The following CHERP variants were observed in gnomAD, a reference collection of about 807,000 sequenced individuals.
The protein encoded by CHERP is calcium homeostasis endoplasmic reticulum protein.
In CHERP, 8 loss-of-function variants were observed where a neutral mutation model predicts 113.8. The observed-to-expected ratio is 0.07, with a 90% confidence interval of 0.04 to 0.13. The LOEUF (loss-of-function observed/expected upper bound fraction) is 0.13. Among genes scored for constraint, CHERP ranks in the 10% least tolerant of loss-of-function variants. CHERP has a pLI of 1.00. For missense variants in CHERP, 884 were observed against 1,298.2 expected, an observed-to-expected ratio of 0.68 and a Z score of 4.90; for synonymous variants, 559 against 524.5, an observed-to-expected ratio of 1.07 and a Z score of -0.90.
In CHERP at chr19:16,542,335, C is replaced by A; in HGVS notation, c.25+19G>T. 2 of 1,413,396 alleles carry A rather than the reference C, an allele frequency of 1.4e-6. No homozygotes were observed. The highest frequency in any genetic ancestry group is 3.0e-5 in the Admixed American group (1 of 33,440). 87.6% of individuals were successfully genotyped at this position (1,413,396 alleles called of 1,614,324 possible). On this transcript the variant is annotated intron_variant, in intron 1 of 16. Transcript: ENST00000546361. ...TTCCGGGGAGAGAGAAACGGTCTCT[C>A]GGCCGGTTTGGGTCTCACCATCGGG...
Position 16,519,899 on chromosome 19 carries a change from G to A in CHERP, c.2463-184C>T. 1 of 670,916 alleles carries A rather than the reference G, an allele frequency of 1.5e-6. No individual in the cohort carries two copies. The highest frequency in any genetic ancestry group is 1.8e-5 in the South Asian group (1 of 57,128). 41.6% of individuals were successfully genotyped at this position (670,916 alleles called of 1,614,324 possible). ...CTAGATAAGGGGGCTCCAGACGCTGGCCCCCACCCCACGCTCAGCATTGAG... is the reference window on the plus strand; with the variant it reads ...CTAGATAAGGGGGCTCCAGACGCTGACCCCCACCCCACGCTCAGCATTGAG... On this transcript the variant is annotated intron_variant, in intron 15 of 16. Coordinates refer to ENST00000546361, the MANE Select transcript of CHERP (RefSeq NM_006387.6). This position sits in a 1 kb window ranked among gnomAD's most constrained non-coding sequence, Gnocchi z 6.0.
intron 2 of CHERP, among the ~76,000 whole-genome samples, chr19:16,536,872 C>T (rs533550730): frequency 3.9e-5 from 6 of 152,170 alleles, no homozygotes; most frequent in Middle Eastern, 6.8e-3. Context: ...ATTAGTCGGG[C>T]GTGGTGGCGG....
intron 2 of CHERP, among the ~76,000 whole-genome samples, chr19:16,536,147 C>A (rs549077340): frequency 6.6e-6 from 1 of 152,188 alleles, no homozygotes; most frequent in Non-Finnish European, 1.5e-5. Context: ...GCGCACACTG[C>A]GGCCTCCCCC....
In CHERP at chr19:16,518,571, T is replaced by A. The variant is rs189359327; in HGVS notation, c.*588A>T. Reference sequence around the variant, plus strand: ...AGGTCAGTATTCTTCTTTCTAGACCTAAACCAAGGAGAGTAAAAATGAAAA... The same window carrying A: ...AGGTCAGTATTCTTCTTTCTAGACCAAAACCAAGGAGAGTAAAAATGAAAA... On this transcript the variant is annotated 3_prime_UTR_variant, in exon 17 of 17. Transcript: ENST00000546361. 9.1e-5 allele frequency: 14 copies of A among 153,138 alleles called. No homozygotes were observed. The highest frequency in any genetic ancestry group is 3.4e-4 in the African/African-American group (14 of 41,600). 9.5% of individuals were successfully genotyped at this position (153,138 alleles called of 1,614,324 possible).
chr19:16,540,284 C>T (rs1302560138), intron 2 of CHERP, among the ~76,000 whole-genome samples: 3 of 151,842 alleles, frequency 2.0e-5, no homozygotes, highest in Admixed American at 6.6e-5. Flanking sequence ...CCAGGCTGGT[C>T]TCGAACTCCT....
In CHERP at chr19:16,519,133, A is replaced by T. The variant is rs749596423; in HGVS notation, c.*26T>A. ...GGTCCCACAGCCGGCACCGCTGGCCACCGGCGCGGCTCCCGGCATGGGCGC... is the reference window on the plus strand; with the variant it reads ...GGTCCCACAGCCGGCACCGCTGGCCTCCGGCGCGGCTCCCGGCATGGGCGC... On this transcript the variant is annotated 3_prime_UTR_variant, in exon 17 of 17. Coordinates refer to ENST00000546361, the MANE Select transcript of CHERP (RefSeq NM_006387.6). This position sits in a 1 kb window ranked among gnomAD's most constrained non-coding sequence, Gnocchi z 6.0. The T allele has an allele frequency of 1.2e-6, 2 of 1,600,346 alleles. No individual in the cohort carries two copies. Among genetic ancestry groups the T allele is most frequent in the South Asian group, 2.2e-5 (2 of 89,648 alleles).
At chr19:16,521,397 G>C in intron 12 of CHERP, 124 bp downstream of exon 12, 4 of 814,742 alleles carry the variant, frequency 4.9e-6, no homozygotes, top group South Asian at 2.0e-5. Context: ...TCACTCAGGC[G>C]GGGGGAGGGC....
rs1044764098 is a variant in CHERP at position 16,523,523 on chromosome 19, GAACCCCAA to G, written c.1742-241_1742-234del. On this transcript the variant is annotated intron_variant, in intron 10 of 16. Transcript: ENST00000546361. This position sits in a 1 kb window ranked among gnomAD's most constrained non-coding sequence, Gnocchi z 4.0. ...GAGGGAGCTTGAGGCTGAGAGAAGA[GAACCCCAA>G]AACCCCAAAACTGCACGGTGAGGGC... is the stretch of plus-strand genomic sequence containing the variant. 2.6e-5 allele frequency among the ~76,000 whole-genome samples: 4 copies of G among 152,132 alleles called. No homozygotes were observed. Among genetic ancestry groups the G allele is most frequent in the Admixed American group, 2.6e-4 (4 of 15,274 alleles).
In CHERP at chr19:16,519,727, A is replaced by G. The variant is rs373871349; in HGVS notation, c.2463-12T>C. 7.5e-6 allele frequency: 12 copies of G among 1,604,348 alleles called. No individual in the cohort carries two copies. The African/African-American group carries it at 1.6e-4, about 21-fold the overall frequency. ...GACCAGCAGAGGAACTAAAATCGAG[A>G]CAGGTTATTCTTTTTAAGAAGTAAC... is the stretch of plus-strand genomic sequence containing the variant. On this transcript the variant is annotated splice_polypyrimidine_tract_variant and intron_variant, in intron 15 of 16. Transcript: ENST00000546361. The surrounding 1 kb of genome is among the most constrained non-coding windows in gnomAD (Gnocchi z 6.0).
chr19:16,528,737 A>C (rs567456472), intron 8 of CHERP, among the ~76,000 whole-genome samples: 1 of 152,164 alleles, frequency 6.6e-6, no homozygotes, highest in Non-Finnish European at 1.5e-5. Context: ...GTGGATCCCA[A>C]GGTCAGGAGA....
chr19:16,534,136 C>T (rs572005013), intron 3 of CHERP, among the ~76,000 whole-genome samples: 5 of 151,968 alleles, frequency 3.3e-5, no homozygotes, highest in African/African-American at 7.2e-5. Flanking sequence ...TCACTGCAAC[C>T]GCCACTTCCC....
intron 9 of CHERP, among the ~76,000 whole-genome samples, chr19:16,527,724 G>A (rs1309349142): frequency 6.6e-6 from 1 of 152,154 alleles, no homozygotes; most frequent in African/African-American, 2.4e-5. Context: ...GTTCTTTCCA[G>A]GATGACAAAA....
intron 1 of CHERP, 99 bp from the exon 2 acceptor site, chr19:16,542,142 A>C: frequency 1.4e-6 from 2 of 1,383,486 alleles, no homozygotes; most frequent in Non-Finnish European, 9.7e-7. Flanking sequence ...CGGGGACCCC[A>C]AGGGGGTGGG....
chr19:16,524,608 C>T (rs1302267463), intron 10 of CHERP, among the ~76,000 whole-genome samples: 1 of 151,180 alleles, frequency 6.6e-6, no homozygotes, highest in Non-Finnish European at 1.5e-5. Context: ...AACAAAGATA[C>T]TAGGCATGGT....
At chr19:16,539,354 A>C (rs1010815374) in intron 2 of CHERP, among the ~76,000 whole-genome samples, 5 of 151,720 alleles carry the variant, frequency 3.3e-5, no homozygotes, top group Admixed American at 1.3e-4. Flanking sequence ...TCACCGTGTT[A>C]GCCAGGATGG....
intron 2 of CHERP, among the ~76,000 whole-genome samples, chr19:16,538,635 A>T (rs2085756924): frequency 1.3e-5 from 2 of 152,070 alleles, no homozygotes; most frequent in Admixed American, 1.3e-4. Context: ...GTGAGCCAAG[A>T]TCTTGCCACT....
In CHERP at chr19:16,525,816, T is replaced by TGACGCCTGCGAGGATGCTG; in HGVS notation, c.1306-158_1306-140dup. 1.4e-6 allele frequency: 1 copy of TGACGCCTGCGAGGATGCTG among 728,874 alleles called. No homozygotes were observed. The highest frequency in any genetic ancestry group is 2.4e-5 in the South Asian group (1 of 41,832). 45.2% of individuals were successfully genotyped at this position (728,874 alleles called of 1,614,324 possible). On this transcript the variant is annotated intron_variant, in intron 9 of 16. Transcript: ENST00000546361. The surrounding 1 kb of genome is among the most constrained non-coding windows in gnomAD (Gnocchi z 6.5). ...GGCCACGTTGAGGCGCCTCCTACGCTGACGCCTGCGAGGATGCTGGGCACC... is the reference window on the plus strand; with the variant it reads ...GGCCACGTTGAGGCGCCTCCTACGCTGACGCCTGCGAGGATGCTGGACGCCTGCGAGGATGCTGGGCACC...
chr19:16,520,076 A>G lies in CHERP; in HGVS notation c.2462+73T>C. 6.8e-7 allele frequency: 1 copy of G among 1,481,356 alleles called. No individual in the cohort carries two copies. The highest frequency in any genetic ancestry group is 9.4e-7 in the Non-Finnish European group (1 of 1,069,464). The allele number at this position is 1,481,356 out of a possible 1,614,324, so 91.8% of individuals were successfully genotyped here. On this transcript the variant is annotated intron_variant, in intron 15 of 16. Coordinates refer to ENST00000546361, the MANE Select transcript of CHERP (RefSeq NM_006387.6). This position sits in a 1 kb window ranked among gnomAD's most constrained non-coding sequence, Gnocchi z 4.0. ...TCCTAACACAGTCTCCTAACCACCA[A>G]TGTTTCCACATTCACAGCAAAGCAC...
intron 10 of CHERP, among the ~76,000 whole-genome samples, chr19:16,524,252 C>A (rs1281854182): frequency 1.3e-5 from 2 of 148,924 alleles, no homozygotes; most frequent in African/African-American, 4.9e-5. Context: ...CTCAAAAAAA[C>A]AACAAACAAC....
Sources: allele counts gnomAD v4.1 joint callset (sites outside exome capture counted in the v4.1 genomes callset), GRCh38; gene constraint gnomAD v4.1.1; non-coding constraint Gnocchi (gnomAD v3.1); transcripts MANE v1.5; gene names NCBI Gene and HGNC (gene_info 2026-07-23, HGNC 2026-07-21).